Variants in MAP1LC3B observed in about 807,000 individuals in gnomAD.
The protein encoded by MAP1LC3B is microtubule associated protein 1 light chain 3 beta.
MAP1LC3B carries 12 observed loss-of-function variants against 16.7 expected under a neutral mutation model. That is an observed-to-expected ratio of 0.72 (90% CI 0.46 to 1.16). MAP1LC3B has a LOEUF of 1.16. Among genes scored for constraint, MAP1LC3B ranks in the 50% most tolerant of loss-of-function variants. The pLI, the probability that MAP1LC3B is intolerant of heterozygous loss-of-function variation, is 0.00. For missense variants in MAP1LC3B, 155 were observed against 159.5 expected, an observed-to-expected ratio of 0.97 and a Z score of 0.15; for synonymous variants, 63 against 56.5, an observed-to-expected ratio of 1.11 and a Z score of -0.51.
chr16:87,397,579 C>T (rs1242113009), intron 1 of MAP1LC3B, among the ~76,000 whole-genome samples: 1 of 152,156 alleles, frequency 6.6e-6, no homozygotes, highest in African/African-American at 2.4e-5. Flanking sequence ...GATTGCAGCA[C>T]TGCACTCCAG....
chr16:87,396,348 G>A (rs1003661480), intron 1 of MAP1LC3B, among the ~76,000 whole-genome samples: 3 of 151,702 alleles, frequency 2.0e-5, no homozygotes, highest in African/African-American at 7.3e-5. Flanking sequence ...GGTGGCGGGC[G>A]CCTGTAGTCC....
At chr16:87,394,695 G>T (rs1433915329) in intron 1 of MAP1LC3B, among the ~76,000 whole-genome samples, 1 of 152,194 alleles carries the variant, frequency 6.6e-6, no homozygotes, top group Non-Finnish European at 1.5e-5. Flanking sequence ...ATCATTTCCA[G>T]TATATTAAGT....
chr16:87,400,160 GTGTGTGTGTGTGTA>G (rs1907939096), intron 2 of MAP1LC3B: 1 of 135,832 alleles, frequency 7.4e-6, no homozygotes, highest in Admixed American at 7.7e-5. Flanking sequence ...GTGTGTGTGT[GTGTGTGTGTGTGTA>G]TAAAATTTTT....
intron 1 of MAP1LC3B, among the ~76,000 whole-genome samples, chr16:87,398,123 A>C (rs1263701582): frequency 6.6e-6 from 1 of 152,056 alleles, no homozygotes; most frequent in African/African-American, 2.4e-5. Context: ...CCCAGGTTCA[A>C]GTGATTCTCC....
intron 1 of MAP1LC3B, among the ~76,000 whole-genome samples, chr16:87,397,415 G>T (rs1012391092): frequency 8.6e-5 from 13 of 152,004 alleles, no homozygotes; most frequent in Non-Finnish European, 1.8e-4. Flanking sequence ...TCAGGAGATG[G>T]AGACCATCCT....
chr16:87,403,540 C>A lies in MAP1LC3B; in HGVS notation c.*443C>A, dbSNP rs539017039. ...AAGTTTTCTACTCAGCTAGAGAGAT[C>A]TCCCTAAGAGGATCTTTAGGCCTGA... On this transcript the variant is annotated 3_prime_UTR_variant, in exon 4 of 4. Transcript: ENST00000268607. 3.4e-4 allele frequency: 55 copies of A among 160,590 alleles called. No individual in the cohort carries two copies. The highest frequency in any genetic ancestry group is 6.6e-4 in the Non-Finnish European group (48 of 72,374). The allele number at this position is 160,590 out of a possible 1,614,324, so 9.9% of individuals were successfully genotyped here. A position where few individuals can be genotyped will look rare whatever the true frequency, so the allele number is the denominator to read the frequency against.
chr16:87,397,635 A>G (rs190837960), intron 1 of MAP1LC3B, among the ~76,000 whole-genome samples: 160 of 152,284 alleles, frequency 1.1e-3, no homozygotes, highest in Non-Finnish European at 1.7e-3. Flanking sequence ...GAATGATACT[A>G]AAATTTTTTT....
rs1908116298 is a variant in MAP1LC3B at position 87,404,667 on chromosome 16, C to G, written c.*1570C>G. On this transcript the variant is annotated 3_prime_UTR_variant, in exon 4 of 4. Transcript: ENST00000268607. ...TACTGCTTTTTAAGAAAAAAAATAA[C>G]ATGCTGAGGGGTGACCTATATCCCA... is the stretch of plus-strand genomic sequence containing the variant. 6.6e-6 allele frequency: 1 copy of G among 152,104 alleles called. No individual in the cohort carries two copies. The highest frequency in any genetic ancestry group is 2.4e-5 in the African/African-American group (1 of 41,422). 9.4% of individuals were successfully genotyped at this position (152,104 alleles called of 1,614,324 possible).
intron 2 of MAP1LC3B, among the ~76,000 whole-genome samples, chr16:87,401,672 G>A (rs1907997552): frequency 6.6e-6 from 1 of 152,040 alleles, no homozygotes; most frequent in Non-Finnish European, 1.5e-5. Flanking sequence ...AGGCATTACA[G>A]GCACCTGCCA....
chr16:87,393,988 G>C (rs1205194603), intron 1 of MAP1LC3B, among the ~76,000 whole-genome samples: 1 of 152,152 alleles, frequency 6.6e-6, no homozygotes, highest in Non-Finnish European at 1.5e-5. Flanking sequence ...GGTTATTCTG[G>C]AAAAGTCTCT....
At chr16:87,401,341 A>T (rs550996229) in intron 2 of MAP1LC3B, among the ~76,000 whole-genome samples, 1 of 152,096 alleles carries the variant, frequency 6.6e-6, no homozygotes, top group East Asian at 1.9e-4. Flanking sequence ...ATCTTCCCCC[A>T]CTTCCTACCT....
In MAP1LC3B at chr16:87,392,365, CG is replaced by C; in HGVS notation, c.-62del. 7.3e-7 allele frequency: 1 copy of C among 1,367,532 alleles called. No individual in the cohort carries two copies. The highest frequency in any genetic ancestry group is 9.4e-7 in the Non-Finnish European group (1 of 1,066,264). 84.7% of individuals were successfully genotyped at this position (1,367,532 alleles called of 1,614,324 possible). Reference sequence around the variant, plus strand: ...TCGGATTCGCCGCCGCAGCAGCCGCCGCCCCCGGGAGCCGCCGGGACCCTCG... The same window carrying C: ...TCGGATTCGCCGCCGCAGCAGCCGCCCCCCCGGGAGCCGCCGGGACCCTCG... On this transcript the variant is annotated 5_prime_UTR_variant, in exon 1 of 4. Transcript: ENST00000268607.
At chr16:87,396,621 A>G (rs746270067) in intron 1 of MAP1LC3B, 1 of 151,986 alleles carries the variant, frequency 6.6e-6, no homozygotes, top group Admixed American at 6.6e-5. Context: ...GATTTACCCT[A>G]TACACTGAAT....
At chr16:87,402,633 T>C in intron 3 of MAP1LC3B, 2 of 542,608 alleles carry the variant, frequency 3.7e-6, no homozygotes, top group South Asian at 4.6e-5. Context: ...CAGGCTTAGA[T>C]CTTAGAATAG....
chr16:87,392,645 C>T, intron 1 of MAP1LC3B, 178 bp downstream of exon 1: 1 of 444,714 alleles, frequency 2.2e-6, no homozygotes, highest in Non-Finnish European at 3.2e-6. Context: ...GGGACCCAGG[C>T]CGGGACCGAG....
intron 1 of MAP1LC3B, among the ~76,000 whole-genome samples, chr16:87,393,847 C>G (rs1907701298): frequency 6.6e-6 from 1 of 152,194 alleles, no homozygotes; most frequent in Admixed American, 6.5e-5. Context: ...CTAAAGCGAT[C>G]CAGCGGCCCC....
At chr16:87,397,074 C>T (rs930818686) in intron 1 of MAP1LC3B, 1 of 152,088 alleles carries the variant, frequency 6.6e-6, no homozygotes, top group Non-Finnish European at 1.5e-5. Context: ...GATCCACCCG[C>T]CTCGGCCTCC....
intron 1 of MAP1LC3B, chr16:87,392,959 C>G (rs574484071): frequency 6.6e-6 from 1 of 152,282 alleles, no homozygotes; most frequent in African/African-American, 2.4e-5. Flanking sequence ...CTGGTTTTCC[C>G]GTCGAGGGAG....
Position 87,402,240 on chromosome 16 carries a change from A to C in MAP1LC3B, c.162A>C (p.Val54=), listed in dbSNP as rs1223700043. The C allele has an allele frequency of 1.2e-6, 2 of 1,614,184 alleles. No individual in the cohort carries two copies. The highest frequency in any genetic ancestry group is 1.7e-5 in the Admixed American group (1 of 60,020). The change falls in exon 3 of 4, where the codon GTA becomes GTC. Residue 54 remains valine (V), a synonymous_variant. Coordinates refer to ENST00000268607, the MANE Select transcript of MAP1LC3B (RefSeq NM_022818.5). The stretch of plus-strand genomic sequence containing the variant: ...TTCTGGATAAAACAAAGTTCCTTGT[A>C]CCTGACCATGTCAACATGAGTGAGC... ...LPVLDKTKFL[V]PDHVNMSELI... is the part of the protein sequence containing the mutation.
Sources: allele counts gnomAD v4.1 joint callset (sites outside exome capture counted in the v4.1 genomes callset), GRCh38; gene constraint gnomAD v4.1.1; transcripts MANE v1.5; gene names NCBI Gene and HGNC (gene_info 2026-07-23, HGNC 2026-07-21).